RASGEF1C: variants seen among roughly 807,000 people sequenced by gnomAD.
The protein encoded by RASGEF1C is RasGEF domain family member 1C.
Under a neutral mutation model 58.1 loss-of-function variants are expected in RASGEF1C, and 27 were observed. The observed-to-expected ratio is 0.46, with a 90% confidence interval of 0.34 to 0.64. The LOEUF (loss-of-function observed/expected upper bound fraction) is 0.64, where lower values mean the gene tolerates loss of function less well. Ranked by LOEUF, RASGEF1C falls within the 30% of genes least tolerant of loss-of-function variation. RASGEF1C has a pLI of 0.01. For missense variants in RASGEF1C, 502 were observed against 605.1 expected (o/e 0.83, Z 1.79); for synonymous variants, 243 against 246.3 (o/e 0.99, Z 0.13).
intron 6 of RASGEF1C, among the ~76,000 whole-genome samples, chr5:180,124,339 A>G (rs1010338762): frequency 7.2e-5 from 11 of 152,204 alleles, no homozygotes; most frequent in Non-Finnish European, 1.5e-5. Context: ...AAGAATAGAG[A>G]TCAGGGTAAG....
rs1187829324 is a variant in RASGEF1C at position 180,163,254 on chromosome 5, C to CTTTTTT, written c.-6-25197_-6-25196insAAAAAA. Among the ~76,000 whole-genome samples, 301 of 71,020 alleles carry CTTTTTT rather than the reference C, an allele frequency of 4.2e-3. 52 individuals are homozygous for CTTTTTT. The highest frequency in any genetic ancestry group is 0.038 in the South Asian group (76 of 1,998). The allele number at this position is 71,020 out of a possible 152,430, so 46.6% of individuals were successfully genotyped here. A position where few individuals can be genotyped will look rare whatever the true frequency, so the allele number is the denominator to read the frequency against. On this transcript the variant is annotated intron_variant, in intron 1 of 13. Coordinates refer to ENST00000361132, the MANE Select transcript of RASGEF1C (RefSeq NM_175062.4). ...CACTTTTTTTTTTTTTTTTTTTTTC[C>CTTTTTT]AGCCTATTGCACTGGCTAGGACTTC...
rs1401587257 is a variant in RASGEF1C at position 180,168,413 on chromosome 5, A to G, written c.-6-30355T>C. 6.6e-6 allele frequency among the ~76,000 whole-genome samples: 1 copy of G among 152,238 alleles called. No individual in the cohort carries two copies. The highest frequency in any genetic ancestry group is 2.4e-5 in the African/African-American group (1 of 41,460). On this transcript the variant is annotated intron_variant, in intron 1 of 13. Transcript: ENST00000361132. This position sits in a 1 kb window ranked among gnomAD's most constrained non-coding sequence, Gnocchi z 6.0. ...GCGCCACTGCACTCCAGCCTGGGCA[A>G]CAAGAGCGAAACTCCATCTCAAAAT...
At chr5:180,107,721 G>A (rs887963942) in intron 12 of RASGEF1C, among the ~76,000 whole-genome samples, 1 of 152,160 alleles carries the variant, frequency 6.6e-6, no homozygotes, top group Admixed American at 6.5e-5. Context: ...CAATTCTTGT[G>A]CCTCAGCCAC....
At chr5:180,174,472 ATGTGTGTCTGTGTGTGCGCG>A (rs780024542) in intron 1 of RASGEF1C, among the ~76,000 whole-genome samples, 3,507 of 104,390 alleles carry the variant, frequency 0.034, 71 homozygotes, top group African/African-American at 0.071. Context: ...GTCTGTGTGT[ATGTGTGTCTGTGTGTGCGCG>A]TGTGTGTCTG....
rs1416712834 is a variant in RASGEF1C, at chr5:180,127,696, G to A, written c.640-13C>T. On this transcript the variant is annotated splice_polypyrimidine_tract_variant and intron_variant, in intron 5 of 13. Coordinates refer to ENST00000361132, the MANE Select transcript of RASGEF1C (RefSeq NM_175062.4). Reference sequence around the variant, plus strand: ...GCCGCAGCCGCTCCTGCAGGGAAGGGTGAAGAGTGGGTAAAAGAGGGAAGG... The same window carrying A: ...GCCGCAGCCGCTCCTGCAGGGAAGGATGAAGAGTGGGTAAAAGAGGGAAGG... 1 of 1,610,698 alleles carries A rather than the reference G, an allele frequency of 6.2e-7. No homozygotes were observed. Among genetic ancestry groups the A allele is most frequent in the Non-Finnish European group, 8.5e-7 (1 of 1,178,722 alleles).
rs541071621 is a variant in RASGEF1C at position 180,109,045 on chromosome 5, C to T, written c.1303+2412G>A. Among the ~76,000 whole-genome samples the T allele has an allele frequency of 3.4e-3, 516 of 152,314 alleles. 3 individuals are homozygous for T. The highest frequency in any genetic ancestry group is 0.017 in the South Asian group (80 of 4,828). On this transcript the variant is annotated intron_variant, in intron 12 of 13. Transcript: ENST00000361132. ...CTAAAGGAGTAAATAAAATGCCCCC[C>T]TTTTCTCCCTCTCTGCCCTGAGACT...
intron 1 of RASGEF1C, among the ~76,000 whole-genome samples, chr5:180,176,758 A>T (rs562358794): frequency 6.6e-6 from 1 of 151,972 alleles, no homozygotes. Flanking sequence ...GGGTTTCACC[A>T]TGTTGGCCAG....
rs1332040281 is a variant in RASGEF1C, at chr5:180,102,128, GA to G, written c.1318del (p.Ser440LeufsTer19). ...IFSEDGLYLA[S>X]YESESPENQT... ...GTTCTCTGGGCTCTCACTTTCGTAA[GA>G]AGCCAAATAAAGACCTAGACAGAAA... On this transcript the variant is annotated frameshift_variant, in exon 13 of 14. Transcript: ENST00000361132. LOFTEE classifies it high-confidence loss of function. The G allele has an allele frequency of 6.3e-7, 1 of 1,584,724 alleles. No individual in the cohort carries two copies. The highest frequency in any genetic ancestry group is 8.7e-7 in the Non-Finnish European group (1 of 1,153,412).
intron 10 of RASGEF1C, among the ~76,000 whole-genome samples, chr5:180,116,847 G>A (rs1766075971): frequency 6.6e-6 from 1 of 152,262 alleles, no homozygotes; most frequent in Non-Finnish European, 1.5e-5. Context: ...ACAGGAGTCA[G>A]CCTGGCGGTG....
At chr5:180,174,600 GTGCACGCA>G (rs1342249096) in intron 1 of RASGEF1C, among the ~76,000 whole-genome samples, 3 of 137,736 alleles carry the variant, frequency 2.2e-5, no homozygotes, top group South Asian at 2.5e-4. Flanking sequence ...GTGTGTGTGT[GTGCACGCA>G]TGTGTGTGTC....
intron 1 of RASGEF1C, among the ~76,000 whole-genome samples, chr5:180,193,944 C>T (rs1438185117): frequency 6.6e-5 from 10 of 151,646 alleles, no homozygotes; most frequent in African/African-American, 2.2e-4. Flanking sequence ...CCGGGCATTG[C>T]GGCCCTGGGA....
At chr5:180,152,235 T>C (rs1025436584) in intron 1 of RASGEF1C, among the ~76,000 whole-genome samples, 5 of 152,104 alleles carry the variant, frequency 3.3e-5, no homozygotes, top group African/African-American at 1.2e-4. Context: ...ACCCAAAGGG[T>C]TATAAATCAT....
chr5:180,153,588 A>G (rs574022189), intron 1 of RASGEF1C, among the ~76,000 whole-genome samples: 2 of 151,908 alleles, frequency 1.3e-5, no homozygotes, highest in East Asian at 3.9e-4. Flanking sequence ...TCTTCTCATT[A>G]CTCCACCGTC....
chr5:180,147,019 T>A (rs1239515928), intron 1 of RASGEF1C, among the ~76,000 whole-genome samples: 1 of 152,004 alleles, frequency 6.6e-6, no homozygotes, highest in Non-Finnish European at 1.5e-5. Flanking sequence ...GGTTTCTAAT[T>A]TTTTTTTCAT....
rs1227768414 is a variant in RASGEF1C at position 180,156,548 on chromosome 5, T to C, written c.-6-18490A>G. On this transcript the variant is annotated intron_variant, in intron 1 of 13. Coordinates refer to ENST00000361132, the MANE Select transcript of RASGEF1C (RefSeq NM_175062.4). The surrounding 1 kb of genome is among the most constrained non-coding windows in gnomAD (Gnocchi z 4.9). ...ACTTTGGGAAGCTGAGCATGCAGAG[T>C]GCTTGAGTCCAGCAGTTCAAGACCA... Among the ~76,000 whole-genome samples, 3 of 152,088 alleles carry C rather than the reference T, an allele frequency of 2.0e-5. No individual in the cohort carries two copies. The highest frequency in any genetic ancestry group is 7.2e-5 in the African/African-American group (3 of 41,402).
chr5:180,163,464 G>A lies in RASGEF1C; in HGVS notation c.-6-25406C>T, dbSNP rs139656676. 3.6e-3 allele frequency among the ~76,000 whole-genome samples: 541 copies of A among 152,036 alleles called. 3 individuals are homozygous for A. The highest frequency in any genetic ancestry group is 0.012 in the African/African-American group (514 of 41,472). ...GTGAGGAGTTTTATCACGAATGGAT[G>A]TTAAATTTCCCTTGAGACTTCCTTT... On this transcript the variant is annotated intron_variant, in intron 1 of 13. Coordinates refer to ENST00000361132, the MANE Select transcript of RASGEF1C (RefSeq NM_175062.4).
chr5:180,139,860 C>G (rs1766547892), intron 1 of RASGEF1C, among the ~76,000 whole-genome samples: 1 of 152,102 alleles, frequency 6.6e-6, no homozygotes, highest in South Asian at 2.1e-4. Flanking sequence ...ACCTGTGAGC[C>G]TGGGAGGTCC....
intron 1 of RASGEF1C, among the ~76,000 whole-genome samples, chr5:180,183,818 A>G (rs1364408831): frequency 1.3e-5 from 2 of 148,374 alleles, no homozygotes; most frequent in African/African-American, 5.1e-5. Context: ...GCAAAACTCC[A>G]TCTCAATAAA....
chr5:180,151,162 A>G (rs1349006058), intron 1 of RASGEF1C, among the ~76,000 whole-genome samples: 6 of 152,316 alleles, frequency 3.9e-5, no homozygotes, highest in African/African-American at 1.4e-4. Flanking sequence ...TATAGATTCA[A>G]TGCCATCCCC....
Sources: allele counts gnomAD v4.1 joint callset (sites outside exome capture counted in the v4.1 genomes callset), GRCh38; gene constraint gnomAD v4.1.1; non-coding constraint Gnocchi (gnomAD v3.1); transcripts MANE v1.5; gene names NCBI Gene and HGNC (gene_info 2026-07-23, HGNC 2026-07-21).